Variants in BRINP3 observed in about 807,000 individuals in gnomAD.
The protein encoded by BRINP3 is BMP/retinoic acid inducible neural specific 3.
In BRINP3, 19 loss-of-function variants were observed where a neutral mutation model predicts 71.0. That is an observed-to-expected ratio of 0.27 (90% CI 0.19 to 0.39). The LOEUF (loss-of-function observed/expected upper bound fraction) is 0.39. Ranked by LOEUF, BRINP3 falls within the 10% of genes least tolerant of loss-of-function variation. BRINP3 has a pLI of 1.00. For missense variants in BRINP3, 959 were observed against 940.8 expected (o/e 1.02, Z -0.25); for synonymous variants, 380 against 337.7 (o/e 1.13, Z -1.37).
chr1:190,283,574 C>G (rs1343253587), intron 2 of BRINP3, among the ~76,000 whole-genome samples: 1 of 150,652 alleles, frequency 6.6e-6, no homozygotes, highest in African/African-American at 2.4e-5. Context: ...ATGTTAGTCA[C>G]TTCTACAATA....
intron 2 of BRINP3, among the ~76,000 whole-genome samples, chr1:190,283,147 C>G (rs1300056274): frequency 1.3e-5 from 2 of 152,080 alleles, no homozygotes; most frequent in East Asian, 3.9e-4. Context: ...CTAGGGAAGA[C>G]TTTGGCCTGA....
At chr1:190,148,334 C>T (rs1656076471) in intron 7 of BRINP3, among the ~76,000 whole-genome samples, 1 of 151,894 alleles carries the variant, frequency 6.6e-6, no homozygotes. Flanking sequence ...CAGTGGCTCA[C>T]GCGTCATCCC....
chr1:190,172,362 A>G (rs953691621), intron 6 of BRINP3, among the ~76,000 whole-genome samples: 2 of 151,618 alleles, frequency 1.3e-5, no homozygotes, highest in African/African-American at 4.8e-5. Context: ...CATATTTCTT[A>G]GTTGTTGAAG....
intron 2 of BRINP3, among the ~76,000 whole-genome samples, chr1:190,365,030 T>C (rs1669392006): frequency 6.6e-6 from 1 of 152,138 alleles, no homozygotes; most frequent in African/African-American, 2.4e-5. Flanking sequence ...AAAGATGACA[T>C]GGGAGGGCAG....
chr1:190,120,094 T>G (rs546886752), intron 7 of BRINP3, among the ~76,000 whole-genome samples: 1 of 151,900 alleles, frequency 6.6e-6, no homozygotes, highest in East Asian at 1.9e-4. Flanking sequence ...AAGAAGAGGT[T>G]AACTACTTTC....
intron 2 of BRINP3, among the ~76,000 whole-genome samples, chr1:190,313,469 G>T (rs934792792): frequency 6.6e-6 from 1 of 151,970 alleles, no homozygotes; most frequent in African/African-American, 2.4e-5. Flanking sequence ...GTATTTAGTA[G>T]GGAAGCCTCC....
Position 190,329,948 on chromosome 1 carries a change from A to C in BRINP3, c.237-48198T>G, listed in dbSNP as rs560301051. ...TGGCTAGCCATCTGCAGAAGAATGA[A>C]ACTGGACCCATACCATTCATCATAA... On this transcript the variant is annotated intron_variant, in intron 2 of 7. Transcript: ENST00000367462. Among the ~76,000 whole-genome samples, 55 of 152,048 alleles carry C rather than the reference A, an allele frequency of 3.6e-4. 1 individual carries two copies. The highest frequency in any genetic ancestry group is 2.6e-4 in the Admixed American group (4 of 15,222).
intron 2 of BRINP3, among the ~76,000 whole-genome samples, chr1:190,284,335 T>A (rs1023021025): frequency 2.6e-5 from 4 of 152,046 alleles, no homozygotes; most frequent in Admixed American, 6.6e-5. Flanking sequence ...AAATATTGTT[T>A]ACTCTTTATT....
intron 2 of BRINP3, among the ~76,000 whole-genome samples, chr1:190,333,277 A>C (rs1359351520): frequency 6.6e-6 from 1 of 152,004 alleles, no homozygotes; most frequent in Admixed American, 6.6e-5. Context: ...CCTACGATTC[A>C]ATCGTAGAGA....
chr1:190,457,344 TGAAGCACGA>T (rs1342716290), intron 1 of BRINP3, among the ~76,000 whole-genome samples: 1 of 152,070 alleles, frequency 6.6e-6, no homozygotes, highest in African/African-American at 2.4e-5. Context: ...TTCTAGATGC[TGAAGCACGA>T]GAATTTCTCG....
intron 3 of BRINP3, among the ~76,000 whole-genome samples, chr1:190,275,561 T>C (rs1662484538): frequency 6.6e-6 from 1 of 151,646 alleles, no homozygotes; most frequent in Non-Finnish European, 1.5e-5. Flanking sequence ...TAAATGTCTG[T>C]CTTTATCATT....
At chr1:190,414,850 A>G (rs1672912372) in intron 2 of BRINP3, among the ~76,000 whole-genome samples, 1 of 152,204 alleles carries the variant, frequency 6.6e-6, no homozygotes, top group African/African-American at 2.4e-5. Context: ...TCAAATCAAG[A>G]TAGAAGAGGA....
intron 2 of BRINP3, among the ~76,000 whole-genome samples, chr1:190,374,284 ATCTG>A (rs1343191143): frequency 1.3e-5 from 2 of 152,038 alleles, no homozygotes; most frequent in Admixed American, 6.6e-5. Flanking sequence ...AAAGAAATCT[ATCTG>A]TCTGTCTGTC....
In BRINP3 at chr1:190,121,696, C is replaced by G. The variant is rs1243846896; in HGVS notation, c.1185-22562G>C. Among the ~76,000 whole-genome samples, 4 of 152,024 alleles carry G rather than the reference C, an allele frequency of 2.6e-5. No homozygotes were observed. In the South Asian group the frequency reaches 6.2e-4, roughly 24 times the overall value. On this transcript the variant is annotated intron_variant, in intron 7 of 7. Coordinates refer to ENST00000367462, the MANE Select transcript of BRINP3 (RefSeq NM_199051.3). ...TTCTTATTGAGTTCTAATTATCTGT[C>G]AGCATCATTTTAGATACTATTGTGT...
At chr1:190,317,120 C>T (rs1177144314) in intron 2 of BRINP3, among the ~76,000 whole-genome samples, 3 of 145,442 alleles carry the variant, frequency 2.1e-5, no homozygotes, top group African/African-American at 7.7e-5. Flanking sequence ...TTCAATGAGC[C>T]GAGATTGGGC....
chr1:190,448,652 G>T (rs1675398688), intron 2 of BRINP3, among the ~76,000 whole-genome samples: 1 of 151,346 alleles, frequency 6.6e-6, no homozygotes, highest in Non-Finnish European at 1.5e-5. Flanking sequence ...TTTTTATGTT[G>T]GGTCTAATTT....
intron 4 of BRINP3, among the ~76,000 whole-genome samples, chr1:190,236,511 T>G (rs943593829): frequency 1.3e-5 from 2 of 151,966 alleles, no homozygotes; most frequent in African/African-American, 4.8e-5. Context: ...TCTATTATAT[T>G]TTCTAAATGA....
At chr1:190,267,792 A>T (rs1382674972) in intron 3 of BRINP3, among the ~76,000 whole-genome samples, 1 of 152,136 alleles carries the variant, frequency 6.6e-6, no homozygotes, top group African/African-American at 2.4e-5. Flanking sequence ...ACCATATTGC[A>T]AATAAGATTA....
At chr1:190,184,657 C>T (rs1355373067) in intron 6 of BRINP3, among the ~76,000 whole-genome samples, 3 of 152,070 alleles carry the variant, frequency 2.0e-5, no homozygotes, top group Non-Finnish European at 2.9e-5. Flanking sequence ...TGTCTTCTCA[C>T]GTATAGACGT....
Sources: gnomAD v4.1 joint callset for allele counts (sites outside exome capture counted in the v4.1 genomes callset) on GRCh38, gnomAD v4.1.1 for gene constraint, MANE v1.5 for transcripts, NCBI Gene and HGNC (gene_info 2026-07-23, HGNC 2026-07-21) for gene names.